Variants in DPYSL3 observed in about 807,000 individuals in gnomAD.
DPYSL3 encodes dihydropyrimidinase-related protein 3.
In DPYSL3, 16 loss-of-function variants were observed where a neutral mutation model predicts 66.1. The ratio of observed to expected loss-of-function variants is 0.24; its 90% CI spans 0.16 to 0.37. The LOEUF (loss-of-function observed/expected upper bound fraction) is 0.37. DPYSL3 is among the 10% of genes least tolerant of loss of function. The pLI is 1.00. For synonymous variants in DPYSL3, 338 were observed against 345.1 expected, an observed-to-expected ratio of 0.98 and a Z score of 0.23; for missense variants, 738 against 916.2, an observed-to-expected ratio of 0.81 and a Z score of 2.51.
intron 13 of DPYSL3, 115 bp from the exon 14 acceptor site, chr5:147,394,238 C>G (rs1581167568): frequency 1.0e-6 from 1 of 998,538 alleles, no homozygotes; most frequent in Non-Finnish European, 1.5e-6. Flanking sequence ...AAGTGCCTTG[C>G]TGGCCTCACC....
chr5:147,394,153 A>G, intron 13 of DPYSL3, 30 bp from the exon 14 acceptor site: 2 of 1,606,360 alleles, frequency 1.2e-6, no homozygotes, highest in South Asian at 1.1e-5. Context: ...CCCAGGGGGA[A>G]AAAAAAAACA....
At chr5:147,441,232 C>A (rs911274351) in intron 1 of DPYSL3, among the ~76,000 whole-genome samples, 9 of 152,180 alleles carry the variant, frequency 5.9e-5, no homozygotes, top group African/African-American at 2.2e-4. Context: ...ATGGTTTTAA[C>A]AACAGAAACT....
At chr5:147,465,390 C>A (rs1365642095) in intron 1 of DPYSL3, among the ~76,000 whole-genome samples, 1 of 152,040 alleles carries the variant, frequency 6.6e-6, no homozygotes, top group Non-Finnish European at 1.5e-5. Flanking sequence ...AATTCCACCT[C>A]CCGGATTCAA....
chr5:147,457,064 T>G (rs1366295778), intron 1 of DPYSL3, among the ~76,000 whole-genome samples: 1 of 152,170 alleles, frequency 6.6e-6, no homozygotes, highest in Non-Finnish European at 1.5e-5. Flanking sequence ...TCTCAAAATA[T>G]TCACACAATA....
intron 1 of DPYSL3, among the ~76,000 whole-genome samples, chr5:147,446,064 G>A (rs1210797451): frequency 1.3e-5 from 2 of 152,126 alleles, no homozygotes; most frequent in East Asian, 1.9e-4. Context: ...AACAATGGTC[G>A]CTCTCATCCA....
intron 1 of DPYSL3, among the ~76,000 whole-genome samples, chr5:147,501,696 C>A (rs1411629100): frequency 6.6e-6 from 1 of 151,960 alleles, no homozygotes; most frequent in African/African-American, 2.4e-5. Context: ...ACAGGCTGGT[C>A]TCGAACTCCT....
intron 1 of DPYSL3, among the ~76,000 whole-genome samples, chr5:147,425,386 C>T (rs1206966927): frequency 2.0e-5 from 3 of 152,090 alleles, no homozygotes; most frequent in East Asian, 3.9e-4. Context: ...TATGGTTAGG[C>T]GTACAAGGAA....
chr5:147,462,666 C>T (rs1468545431), intron 1 of DPYSL3, among the ~76,000 whole-genome samples: 1 of 152,144 alleles, frequency 6.6e-6, no homozygotes, highest in East Asian at 1.9e-4. Flanking sequence ...TTACAACCCA[C>T]ATACAGAGAA....
At chr5:147,507,144 GT>G (rs1403391215) in intron 1 of DPYSL3, among the ~76,000 whole-genome samples, 3 of 152,126 alleles carry the variant, frequency 2.0e-5, no homozygotes, top group African/African-American at 7.2e-5. Flanking sequence ...ATGTTGTTAT[GT>G]TTTTTATTAA....
chr5:147,422,755 C>G (rs1312670949), intron 2 of DPYSL3, among the ~76,000 whole-genome samples: 1 of 151,808 alleles, frequency 6.6e-6, no homozygotes, highest in Non-Finnish European at 1.5e-5. Flanking sequence ...AACACAGGAA[C>G]AGGAAACCAA....
At chr5:147,456,373 G>A (rs1203992153) in intron 1 of DPYSL3, among the ~76,000 whole-genome samples, 5 of 152,108 alleles carry the variant, frequency 3.3e-5, no homozygotes, top group Admixed American at 6.5e-5. Context: ...AAGAGGGAGA[G>A]GAAGATGTAG....
chr5:147,505,340 T>C (rs531021944), intron 1 of DPYSL3, among the ~76,000 whole-genome samples: 2 of 151,954 alleles, frequency 1.3e-5, no homozygotes, highest in East Asian at 2.0e-4. Flanking sequence ...GTTCAAGCGA[T>C]TCTCCTGCCT....
Position 147,509,808 on chromosome 5 carries a change from G to C in DPYSL3, c.51C>G (p.Pro17=), listed in dbSNP as rs529445844. 4 of 1,535,852 alleles carry C rather than the reference G, an allele frequency of 2.6e-6. No homozygotes were observed. In the East Asian group the frequency reaches 7.3e-5, roughly 28 times the overall value. The change falls in exon 1 of 14, where the codon CCC becomes CCG. Residue 17 remains proline (P), a synonymous_variant. Coordinates refer to ENST00000343218, the MANE Select transcript of DPYSL3 (RefSeq NM_001197294.2). The surrounding 1 kb of genome is among the most constrained non-coding windows in gnomAD (Gnocchi z 5.3). ...TGGTGCCCGGCCTGGCCAGGTACAC[G>C]GGCAGATCGTCTTCGTGGGAGCTGT... The part of the protein sequence containing the change: ...GWDSSHEDDL[P]VYLARPGTTD...
At chr5:147,453,983 C>CTTT (rs77634681) in intron 1 of DPYSL3, 2 of 164,016 alleles carry the variant, frequency 1.2e-5, no homozygotes, top group Non-Finnish European at 2.5e-5. Flanking sequence ...CTTTTTCTTT[C>CTTT]TTTTTTTTTT....
Position 147,487,928 on chromosome 5 carries a change from C to T in DPYSL3, c.381+21550G>A, listed in dbSNP as rs890543272. On this transcript the variant is annotated intron_variant, in intron 1 of 13. Coordinates refer to ENST00000343218, the MANE Select transcript of DPYSL3 (RefSeq NM_001197294.2). ...CCCTTAGTGCACTACGATGGTCTGG[C>T]TTCCTGACACTCCCTGGGTGGTATA... Among the ~76,000 whole-genome samples, 6 of 152,308 alleles carry T rather than the reference C, an allele frequency of 3.9e-5. No homozygotes were observed. In the East Asian group the frequency reaches 1.2e-3, roughly 29 times the overall value.
chr5:147,490,944 C>T (rs1753406478), intron 1 of DPYSL3, among the ~76,000 whole-genome samples: 2 of 152,186 alleles, frequency 1.3e-5, no homozygotes, highest in Admixed American at 1.3e-4. Flanking sequence ...ATAGTCAATA[C>T]TGGAGAAAAA....
intron 1 of DPYSL3, among the ~76,000 whole-genome samples, chr5:147,428,507 C>G (rs1339880327): frequency 1.3e-5 from 2 of 151,980 alleles, no homozygotes; most frequent in Admixed American, 6.6e-5. Flanking sequence ...TATGACATAA[C>G]CACTGACCAC....
chr5:147,397,771 G>C lies in DPYSL3; in HGVS notation c.1698C>G (p.Ile566Met). 1.2e-6 allele frequency: 2 copies of C among 1,614,184 alleles called. No homozygotes were observed. Among genetic ancestry groups the C allele is most frequent in the Non-Finnish European group, 8.5e-7 (1 of 1,180,034 alleles). The change falls in exon 12 of 14, where the codon ATC (isoleucine) becomes ATG (methionine). Residue 566 changes from isoleucine (I) to methionine (M), a missense_variant. Transcript: ENST00000343218. Reference sequence around the variant, plus strand: ...CGTGCAGGTTGCCATCTTCCAGCATGATCTTGCCCTGGCAGATGACAACCA... The same window carrying C: ...CGTGCAGGTTGCCATCTTCCAGCATCATCTTGCCCTGGCAGATGACAACCA... ...APLVVICQGK[I>M]MLEDGNLHVT...
intron 1 of DPYSL3, among the ~76,000 whole-genome samples, chr5:147,429,329 G>C (rs1379339209): frequency 6.6e-6 from 1 of 152,142 alleles, no homozygotes; most frequent in Admixed American, 6.5e-5. Flanking sequence ...GGTCCAGCTA[G>C]GTTTTGCCAC....
Sources: gnomAD v4.1 joint callset for allele counts (sites outside exome capture counted in the v4.1 genomes callset) on GRCh38, gnomAD v4.1.1 for gene constraint, Gnocchi (gnomAD v3.1) non-coding constraint, MANE v1.5 for transcripts, NCBI Gene and HGNC (gene_info 2026-07-23, HGNC 2026-07-21) for gene names.